IMPG2: variants seen among roughly 807,000 people sequenced by gnomAD.
IMPG2 encodes the protein IPM 200.
IMPG2 carries 91 observed loss-of-function variants against 129.2 expected under a neutral mutation model. That is an observed-to-expected ratio of 0.70 (90% CI 0.59 to 0.84). The LOEUF is 0.84. Among genes scored for constraint, IMPG2 ranks in the 40% least tolerant of loss-of-function variants. IMPG2 has a pLI of 0.00. For synonymous variants in IMPG2, 510 were observed against 517.7 expected (o/e 0.99, Z 0.20); for missense variants, 1,430 against 1,461.7 (o/e 0.98, Z 0.35).
At chr3:101,284,060 A>G (rs1706920757) in intron 4 of IMPG2, among the ~76,000 whole-genome samples, 1 of 152,208 alleles carries the variant, frequency 6.6e-6, no homozygotes, top group South Asian at 2.1e-4. Context: ...TTGAATCTAC[A>G]GGCAACAGAA....
chr3:101,296,810 A>AG (rs760122140), intron 3 of IMPG2, among the ~76,000 whole-genome samples: 12 of 151,840 alleles, frequency 7.9e-5, no homozygotes, highest in Non-Finnish European at 1.8e-4. Flanking sequence ...TAGTCTTGGG[A>AG]GGGTGTATGT....
chr3:101,260,933 G>A (rs1016341778), intron 9 of IMPG2, among the ~76,000 whole-genome samples: 1 of 152,156 alleles, frequency 6.6e-6, no homozygotes, highest in Non-Finnish European at 1.5e-5. Flanking sequence ...GTTCCCTAAT[G>A]AAGGCAGATA....
intron 9 of IMPG2, among the ~76,000 whole-genome samples, chr3:101,260,049 T>C (rs1706653432): frequency 6.6e-6 from 1 of 152,112 alleles, no homozygotes; most frequent in African/African-American, 2.4e-5. Flanking sequence ...CTCAAGAGAC[T>C]TCTTCCTGGG....
At chr3:101,285,288 T>A (rs2107121320) in intron 4 of IMPG2, among the ~76,000 whole-genome samples, 1 of 152,244 alleles carries the variant, frequency 6.6e-6, no homozygotes, top group East Asian at 1.9e-4. Context: ...ACCAAAAGGA[T>A]AATGCTGCGC....
Position 101,267,661 on chromosome 3 carries a change from T to G in IMPG2, c.888-130A>C. 2 of 774,624 alleles carry G rather than the reference T, an allele frequency of 2.6e-6. 1 individual carries two copies. Among genetic ancestry groups the G allele is most frequent in the South Asian group, 3.3e-5 (2 of 60,312 alleles). 48.0% of individuals were successfully genotyped at this position (774,624 alleles called of 1,614,324 possible). A position where few individuals can be genotyped will look rare whatever the true frequency, so the allele number is the denominator to read the frequency against. On this transcript the variant is annotated intron_variant, in intron 8 of 18. Coordinates refer to ENST00000193391, the MANE Select transcript of IMPG2 (RefSeq NM_016247.4). ...GAAATGCTTCCTTAAATAAAAATGC[T>G]GACAAATTCCTATGGATTGAAGGAA...
Position 101,229,372 on chromosome 3 carries a change from T to C in IMPG2, c.3633+8A>G. On this transcript the variant is annotated splice_region_variant and intron_variant, in intron 17 of 18. Coordinates refer to ENST00000193391, the MANE Select transcript of IMPG2 (RefSeq NM_016247.4). Reference sequence around the variant, plus strand: ...CTGCGACAGCAACATAAATGCAAAGTTTCCCACCTCTCTGGAAAGCTCACT... The same window carrying C: ...CTGCGACAGCAACATAAATGCAAAGCTTCCCACCTCTCTGGAAAGCTCACT... 1 of 1,412,942 alleles carries C rather than the reference T, an allele frequency of 7.1e-7. No homozygotes were observed. The highest frequency in any genetic ancestry group is 1.6e-5 in the African/African-American group (1 of 60,902). 87.5% of individuals were successfully genotyped at this position (1,412,942 alleles called of 1,614,324 possible).
chr3:101,246,742 G>A (rs1489204764), intron 11 of IMPG2, among the ~76,000 whole-genome samples: 1 of 152,126 alleles, frequency 6.6e-6, no homozygotes, highest in Admixed American at 6.5e-5. Flanking sequence ...CAGAAATGGA[G>A]AAGAATACAG....
At chr3:101,252,418 G>T (rs1392469812) in intron 11 of IMPG2, among the ~76,000 whole-genome samples, 1 of 152,076 alleles carries the variant, frequency 6.6e-6, no homozygotes, top group Non-Finnish European at 1.5e-5. Context: ...TAAAAGCAGA[G>T]AGTAGTGGCG....
chr3:101,283,155 C>T (rs548495678), intron 4 of IMPG2, among the ~76,000 whole-genome samples: 1 of 151,926 alleles, frequency 6.6e-6, no homozygotes, highest in South Asian at 2.1e-4. Flanking sequence ...CCCGAGCAGT[C>T]AGGATTACAG....
Position 101,229,542 on chromosome 3 carries a change from C to T in IMPG2, c.3471G>A (p.Val1157=). ...GACTTTCATACACGGGGTTGTACTT[C>T]ACAGCATTCTCAATAGATGAGAGGC... is the stretch of plus-strand genomic sequence containing the variant. ...PDSLSSIENA[V]KYNPVYESHR... The change falls in exon 17 of 19, where the codon GTG becomes GTA. Residue 1157 remains valine, a synonymous_variant. Coordinates refer to ENST00000193391, the MANE Select transcript of IMPG2 (RefSeq NM_016247.4). 6.2e-7 allele frequency: 1 copy of T among 1,614,032 alleles called. No individual in the cohort carries two copies. Among genetic ancestry groups the T allele is most frequent in the Non-Finnish European group, 8.5e-7 (1 of 1,180,028 alleles).
chr3:101,243,684 GC>G lies in IMPG2; in HGVS notation c.2646del (p.Trp882CysfsTer9). 6.2e-7 allele frequency: 1 copy of G among 1,614,026 alleles called. No homozygotes were observed. Among genetic ancestry groups the G allele is most frequent in the Non-Finnish European group, 8.5e-7 (1 of 1,179,988 alleles). On this transcript the variant is annotated frameshift_variant, in exon 13 of 19. Coordinates refer to ENST00000193391, the MANE Select transcript of IMPG2 (RefSeq NM_016247.4). LOFTEE classifies it high-confidence loss of function. ...CTCAAGTCATCTCCTCCTTCTGTGG[GC>G]CAAGCCACACTAACCATCTCTGTGG... is the stretch of plus-strand genomic sequence containing the variant. Reference protein sequence around the residue: ...VHSTEMVSVAWPTEGGDDLSY... With the variant: ...VHSTEMVSVAXPTEGGDDLSY...
chr3:101,296,827 G>A (rs934646258), intron 3 of IMPG2, among the ~76,000 whole-genome samples: 6 of 152,124 alleles, frequency 3.9e-5, no homozygotes, highest in Non-Finnish European at 7.4e-5. Flanking sequence ...ATGTGTCCAG[G>A]AATTTATCCG....
chr3:101,251,547 T>G (rs1706544048), intron 11 of IMPG2, among the ~76,000 whole-genome samples: 1 of 152,196 alleles, frequency 6.6e-6, no homozygotes, highest in Non-Finnish European at 1.5e-5. Flanking sequence ...TTCAATGTAG[T>G]ATATTGACAA....
intron 13 of IMPG2, among the ~76,000 whole-genome samples, chr3:101,243,211 T>C (rs1290194521): frequency 1.3e-5 from 2 of 152,234 alleles, no homozygotes; most frequent in African/African-American, 4.8e-5. Flanking sequence ...GGAGGCAACA[T>C]AGGTACCCAC....
chr3:101,320,226 AT>A, intron 1 of IMPG2, 61 bp downstream of exon 1: 1 of 969,376 alleles, frequency 1.0e-6, no homozygotes, highest in Non-Finnish European at 1.6e-6. Context: ...AAATAATCCT[AT>A]TTTTGAAGAA....
intron 14 of IMPG2, among the ~76,000 whole-genome samples, chr3:101,239,770 G>A (rs1049235060): frequency 6.6e-6 from 1 of 152,154 alleles, no homozygotes; most frequent in Non-Finnish European, 1.5e-5. Context: ...TCCTTTGCAG[G>A]GACATGGATT....
intron 4 of IMPG2, among the ~76,000 whole-genome samples, chr3:101,282,760 C>G (rs1270472662): frequency 6.6e-6 from 1 of 152,176 alleles, no homozygotes; most frequent in East Asian, 1.9e-4. Context: ...CCCAACACTT[C>G]AGACATCTTC....
rs771179590 is a variant in IMPG2, at chr3:101,243,878, A to C, written c.2453T>G (p.Leu818Trp). Reference protein sequence around the residue: ...LWLSVTQSTKLPPTTISTLLE... With the variant: ...LWLSVTQSTKWPPTTISTLLE... ...CAGGGTGGAGATTGTGGTTGGAGGC[A>C]ATTTGGTAGACTGTGTCACAGATAA... The change falls in exon 13 of 19, where the codon TTG (leucine) becomes TGG (tryptophan). Residue 818 changes from leucine to tryptophan, a missense_variant. Leu to Trp is a moderately conservative substitution (Grantham distance 61). Transcript: ENST00000193391. The C allele has an allele frequency of 8.1e-6, 13 of 1,614,070 alleles. No individual in the cohort carries two copies. In the Admixed American group the frequency reaches 2.2e-4, roughly 27 times the overall value.
At chr3:101,299,685 T>A (rs1342239675) in intron 3 of IMPG2, among the ~76,000 whole-genome samples, 2 of 152,098 alleles carry the variant, frequency 1.3e-5, no homozygotes, top group Non-Finnish European at 2.9e-5. Context: ...TTGCTAGGGG[T>A]TCACTGTTCA....
Sources: allele counts gnomAD v4.1 joint callset (sites outside exome capture counted in the v4.1 genomes callset), GRCh38; gene constraint gnomAD v4.1.1; transcripts MANE v1.5; gene names NCBI Gene and HGNC (gene_info 2026-07-23, HGNC 2026-07-21).